Variants in HTT observed in about 807,000 individuals in gnomAD.
The protein encoded by HTT is huntingtin.
HTT carries 104 observed loss-of-function variants against 362.3 expected under a neutral mutation model. The ratio of observed to expected loss-of-function variants is 0.29; its 90% confidence interval spans 0.24 to 0.34. The LOEUF is 0.34. Among genes scored for constraint, HTT ranks in the 10% least tolerant of loss-of-function variants. The pLI, the probability that HTT is intolerant of heterozygous loss-of-function variation, is 1.00. For missense variants in HTT, 3,301 were observed against 3,928.6 expected (o/e 0.84, Z 4.27); for synonymous variants, 1,577 against 1,548.7 (o/e 1.02, Z -0.43).
At chr4:3,232,560 A>G (rs1721308515) in intron 60 of HTT, among the ~76,000 whole-genome samples, 1 of 152,230 alleles carries the variant, frequency 6.6e-6, no homozygotes, top group South Asian at 2.1e-4. Context: ...AGAAACCACT[A>G]TCAGGGATCC....
chr4:3,217,749 A>C lies in HTT; in HGVS notation c.7055-16A>C. The stretch of plus-strand genomic sequence containing the variant: ...GTGTTTTTTAAAAAGTCCTCTCTTA[A>C]CCGTTGCTTGTTTAGATCCTAAGTA... On this transcript the variant is annotated splice_polypyrimidine_tract_variant and intron_variant, in intron 51 of 66. Transcript: ENST00000355072. The C allele has an allele frequency of 6.2e-7, 1 of 1,604,736 alleles. No individual in the cohort carries two copies. Among genetic ancestry groups the C allele is most frequent in the Admixed American group, 1.7e-5 (1 of 59,216 alleles).
chr4:3,203,963 C>T lies in HTT; in HGVS notation c.5577-44C>T, dbSNP rs776981545. 3 of 1,603,890 alleles carry T rather than the reference C, an allele frequency of 1.9e-6. No individual in the cohort carries two copies. In the South Asian group the frequency reaches 3.3e-5, roughly 18 times the overall value. On this transcript the variant is annotated intron_variant, in intron 41 of 66. Coordinates refer to ENST00000355072, the MANE Select transcript of HTT (RefSeq NM_001388492.1). ...CTTCAGTATTTTGCAAATAAGCTCA[C>T]TGCCATCCAGAAACATTGTCAATGC...
chr4:3,149,525 C>T (rs997586145), intron 26 of HTT, among the ~76,000 whole-genome samples: 2 of 152,108 alleles, frequency 1.3e-5, no homozygotes, highest in African/African-American at 4.8e-5. Context: ...TCAGGTTGGT[C>T]TCAAACTCCT....
chr4:3,212,210 A>G, intron 48 of HTT, 68 bp downstream of exon 48: 1 of 1,213,674 alleles, frequency 8.2e-7, no homozygotes, highest in Non-Finnish European at 1.2e-6. Flanking sequence ...CTTTGCACCA[A>G]GTAAATGTAC....
chr4:3,189,878 GA>G (rs897597762), intron 40 of HTT, among the ~76,000 whole-genome samples: 3 of 152,108 alleles, frequency 2.0e-5, no homozygotes, highest in African/African-American at 4.8e-5. Context: ...ACTAGCCGGG[GA>G]TAGTGGTGTG....
At chr4:3,136,024 C>A in intron 20 of HTT, 57 bp downstream of exon 20, 2 of 1,281,592 alleles carry the variant, frequency 1.6e-6, no homozygotes, top group Non-Finnish European at 2.2e-6. Context: ...GAAAGTGAGG[C>A]TTTCCTTGTG....
intron 1 of HTT, among the ~76,000 whole-genome samples, chr4:3,076,763 G>C (rs753058417): frequency 6.6e-6 from 1 of 152,162 alleles, no homozygotes; most frequent in Non-Finnish European, 1.5e-5. Flanking sequence ...ATGCTGATTT[G>C]ACAGAACCTG....
chr4:3,208,835 G>A lies in HTT; in HGVS notation c.6215G>A (p.Ser2072Asn). ...FRLSTMQDSLSPSPPVSSHPL... is the reference protein window; with the variant it reads ...FRLSTMQDSLNPSPPVSSHPL... ...CTCTCCACCATGCAAGACTCACTTA[G>A]TCCCTCTCCTCCAGTCTCTTCCCAC... The change falls in exon 46 of 67, where the codon AGT becomes AAT. Residue 2072 changes from serine to asparagine, a missense_variant. By Grantham distance (46) the Ser-to-Asn change is conservative. Coordinates refer to ENST00000355072, the MANE Select transcript of HTT (RefSeq NM_001388492.1). 1 of 1,614,050 alleles carries A rather than the reference G, an allele frequency of 6.2e-7. No individual in the cohort carries two copies. Among genetic ancestry groups the A allele is most frequent in the Non-Finnish European group, 8.5e-7 (1 of 1,179,982 alleles).
chr4:3,229,784 T>C, intron 59 of HTT, 103 bp from the exon 60 acceptor site: 3 of 1,221,812 alleles, frequency 2.5e-6, no homozygotes, highest in Non-Finnish European at 3.6e-6. Context: ...TAATGTCTCT[T>C]GGGTGTAAGA....
At position 3,204,122 on chromosome 4, in the gene HTT, G is replaced by A. The variant is rs1427237629; in HGVS notation, c.5692G>A (p.Ala1898Thr). The A allele has an allele frequency of 6.2e-6, 10 of 1,614,190 alleles. No homozygotes were observed. Among genetic ancestry groups the A allele is most frequent in the Non-Finnish European group, 8.5e-6 (10 of 1,180,012 alleles). Residue 1898 changes from alanine to threonine, a missense_variant, in exon 42 of 67, where the codon GCT becomes ACT. By Grantham distance (58) the Ala-to-Thr change is moderately conservative. Around this residue, in one of 4 missense-constraint regions of HTT, gnomAD observed 2,316 missense variants for 2,658.5 expected, o/e 0.87. Transcript: ENST00000355072. ...CAATAGAGAAATAGTACGAAGAGGGGCTCTCATTCTCTTCTGTGATTATGT... is the reference window on the plus strand; with the variant it reads ...CAATAGAGAAATAGTACGAAGAGGGACTCTCATTCTCTTCTGTGATTATGT... ...MCNREIVRRGALILFCDYVCQ... is the reference protein window; with the variant it reads ...MCNREIVRRGTLILFCDYVCQ...
chr4:3,134,796 C>T (rs973568803), intron 19 of HTT, among the ~76,000 whole-genome samples: 1 of 152,162 alleles, frequency 6.6e-6, no homozygotes, highest in African/African-American at 2.4e-5. Context: ...GTAGCACAAT[C>T]ATAGCTCACT....
At chr4:3,086,618 C>T (rs191839136) in intron 1 of HTT, among the ~76,000 whole-genome samples, 2 of 152,250 alleles carry the variant, frequency 1.3e-5, no homozygotes, top group Admixed American at 6.5e-5. Context: ...CTAAAGTGAG[C>T]CATGATTGTG....
chr4:3,139,616 T>C (rs1399677252), intron 21 of HTT, among the ~76,000 whole-genome samples: 1 of 152,260 alleles, frequency 6.6e-6, no homozygotes, highest in Middle Eastern at 3.2e-3. Flanking sequence ...AGTTCATTGT[T>C]TCTAAAAGTA....
At chr4:3,147,586 T>G (rs187866010) in intron 25 of HTT, among the ~76,000 whole-genome samples, 40 of 152,280 alleles carry the variant, frequency 2.6e-4, no homozygotes, top group African/African-American at 9.6e-4. Context: ...TTTAATAAGA[T>G]CATTCATCCA....
chr4:3,147,055 C>A, intron 25 of HTT, 107 bp downstream of exon 25: 1 of 1,080,208 alleles, frequency 9.3e-7, no homozygotes, highest in Non-Finnish European at 1.4e-6. Flanking sequence ...AGGTCATTGC[C>A]AGTGATGGCT....
intron 13 of HTT, 76 bp from the exon 14 acceptor site, chr4:3,130,224 TTTGAG>T (rs1715739105): frequency 9.3e-6 from 10 of 1,075,796 alleles, no homozygotes; most frequent in South Asian, 8.2e-5. Flanking sequence ...ATCTTATACT[TTTGAG>T]TTATCTTAGC....
chr4:3,233,429 A>T (rs1721357057), intron 61 of HTT, 76 bp downstream of exon 61: 3 of 1,409,506 alleles, frequency 2.1e-6, no homozygotes, highest in Non-Finnish European at 3.0e-6. Context: ...ACCCTCTCCA[A>T]GTGCCCAGGC....
chr4:3,078,377 T>C (rs1273520992), intron 1 of HTT, among the ~76,000 whole-genome samples: 1 of 152,052 alleles, frequency 6.6e-6, no homozygotes, highest in East Asian at 1.9e-4. Flanking sequence ...ATAAGTAAAA[T>C]ATACAGTACG....
intron 2 of HTT, 85 bp from the exon 3 acceptor site, chr4:3,099,189 A>G (rs1578496816): frequency 3.5e-6 from 3 of 863,916 alleles, no homozygotes; most frequent in South Asian, 1.6e-5. Flanking sequence ...CCAGAATTCC[A>G]TGCAGGACAC....
Sources: allele counts gnomAD v4.1 joint callset (sites outside exome capture counted in the v4.1 genomes callset), GRCh38; gene constraint gnomAD v4.1.1; regional missense constraint gnomAD v4.1.1; transcripts MANE v1.5; gene names NCBI Gene and HGNC (gene_info 2026-07-23, HGNC 2026-07-21).